PMS1: variants seen among roughly 807,000 people sequenced by gnomAD.
PMS1 encodes PMS1 homolog 1, mismatch repair system component.
PMS1 carries 79 observed loss-of-function variants against 93.1 expected under a neutral mutation model. That is an observed-to-expected ratio of 0.85 (90% CI 0.71 to 1.02). The LOEUF (loss-of-function observed/expected upper bound fraction) is 1.02, where lower values mean the gene tolerates loss of function less well. Ranked by LOEUF, PMS1 falls within the 50% of genes least tolerant of loss-of-function variation. The pLI is 0.00. For missense variants in PMS1, 1,064 were observed against 1,085.3 expected, an observed-to-expected ratio of 0.98 and a Z score of 0.28; for synonymous variants, 335 against 363.4, an observed-to-expected ratio of 0.92 and a Z score of 0.89.
chr2:189,829,033 C>T (rs534456688), intron 5 of PMS1, among the ~76,000 whole-genome samples: 9 of 152,162 alleles, frequency 5.9e-5, no homozygotes, highest in African/African-American at 2.2e-4. Context: ...CTTTATGTGA[C>T]CCCAAGAGTT....
At chr2:189,796,891 C>T (rs183089994) in intron 3 of PMS1, among the ~76,000 whole-genome samples, 3 of 152,212 alleles carry the variant, frequency 2.0e-5, no homozygotes, top group African/African-American at 7.2e-5. Flanking sequence ...GGTATATATC[C>T]AGAAGTAGAC....
chr2:189,790,677 T>C (rs1266466298), intron 1 of PMS1, among the ~76,000 whole-genome samples: 1 of 152,238 alleles, frequency 6.6e-6, no homozygotes, highest in Non-Finnish European at 1.5e-5. Flanking sequence ...GTAAAGTGTT[T>C]AGCATACTAT....
chr2:189,856,637 A>G (rs1387931046), intron 9 of PMS1, among the ~76,000 whole-genome samples: 1 of 152,158 alleles, frequency 6.6e-6, no homozygotes. Context: ...TAAGCCCACA[A>G]AAGTTGAATT....
chr2:189,807,728 T>C (rs1036622558), intron 4 of PMS1, among the ~76,000 whole-genome samples: 2 of 152,228 alleles, frequency 1.3e-5, no homozygotes, highest in African/African-American at 4.8e-5. Context: ...CTCAGTCTTA[T>C]ACCTTAAGTA....
At chr2:189,850,516 C>G (rs1450867690) in intron 6 of PMS1, among the ~76,000 whole-genome samples, 2 of 152,118 alleles carry the variant, frequency 1.3e-5, no homozygotes, top group Non-Finnish European at 2.9e-5. Flanking sequence ...AAATAAATAG[C>G]AGCTATACAG....
intron 2 of PMS1, among the ~76,000 whole-genome samples, chr2:189,795,095 A>G (rs935225790): frequency 2.0e-5 from 3 of 152,206 alleles, no homozygotes; most frequent in African/African-American, 7.2e-5. Flanking sequence ...AAGTATCTAA[A>G]AAAAGTCTTG....
Position 189,873,529 on chromosome 2 carries a change from A to G in PMS1, c.2507A>G (p.Glu836Gly), listed in dbSNP as rs2057321726. 2 of 1,598,086 alleles carry G rather than the reference A, an allele frequency of 1.3e-6. No homozygotes were observed. Among genetic ancestry groups the G allele is most frequent in the Non-Finnish European group, 1.7e-6 (2 of 1,165,558 alleles). Residue 836 changes from glutamate (E) to glycine (G), a missense_variant, in exon 12 of 13, where the codon GAA (glutamate) becomes GGA (glycine). Physicochemically the swap from Glu to Gly is moderately conservative, Grantham distance 98. Transcript: ENST00000441310. ...VSITENYLEI[E>G]GMANCLPFYG... ...ATTACTGAAAATTACTTGGAAATAG[A>G]AGGAATGGCTAATTGTCTCCCATTC...
At position 189,867,864 on chromosome 2, in the gene PMS1, G is replaced by A; in HGVS notation, c.2408G>A (p.Ser803Asn). 1 of 1,597,432 alleles carries A rather than the reference G, an allele frequency of 6.3e-7. No individual in the cohort carries two copies. The highest frequency in any genetic ancestry group is 8.6e-7 in the Non-Finnish European group (1 of 1,164,996). Residue 803 changes from serine to asparagine, a missense_variant, in exon 11 of 13, where the codon AGT becomes AAT. Physicochemically the swap from Ser to Asn is conservative, Grantham distance 46. Transcript: ENST00000441310. Reference protein sequence around the residue: ...YKMTADDQRYSGSTYLSDPRL... With the variant: ...YKMTADDQRYNGSTYLSDPRL... Reference sequence around the variant, plus strand: ...ATGACAGCAGATGACCAAAGATACAGTGGATCAACTTACCTGTCTGATCCT... The same window carrying A: ...ATGACAGCAGATGACCAAAGATACAATGGATCAACTTACCTGTCTGATCCT...
intron 9 of PMS1, among the ~76,000 whole-genome samples, chr2:189,856,412 C>A (rs1051850241): frequency 6.6e-6 from 1 of 151,944 alleles, no homozygotes; most frequent in Non-Finnish European, 1.5e-5. Flanking sequence ...TTAAACATAA[C>A]CATAATTGTC....
intron 3 of PMS1, among the ~76,000 whole-genome samples, chr2:189,802,361 T>A (rs551686528): frequency 6.6e-6 from 1 of 152,368 alleles, no homozygotes; most frequent in South Asian, 2.1e-4. Context: ...GAAAAGAATG[T>A]TATTAAGAAA....
intron 3 of PMS1, among the ~76,000 whole-genome samples, chr2:189,804,402 A>G (rs1484483387): frequency 1.3e-5 from 2 of 152,176 alleles, no homozygotes; most frequent in Non-Finnish European, 2.9e-5. Context: ...TGGAAGAGGT[A>G]GATCCCTTAA....
At chr2:189,828,407 A>G (rs576461640) in intron 5 of PMS1, among the ~76,000 whole-genome samples, 2 of 152,356 alleles carry the variant, frequency 1.3e-5, no homozygotes, top group African/African-American at 4.8e-5. Context: ...ACATGCATTA[A>G]AACATCACAT....
chr2:189,838,503 C>A (rs2053568302), intron 5 of PMS1, among the ~76,000 whole-genome samples: 1 of 152,136 alleles, frequency 6.6e-6, no homozygotes, highest in South Asian at 2.1e-4. Flanking sequence ...TTCTGAGTTT[C>A]TTATCTTGTT....
chr2:189,835,187 AT>A (rs2106384066), intron 5 of PMS1, among the ~76,000 whole-genome samples: 1 of 152,354 alleles, frequency 6.6e-6, no homozygotes, highest in East Asian at 1.9e-4. Context: ...AGGAAAAATA[AT>A]TATGCATGTT....
chr2:189,790,599 AATAAGT>A (rs1368975165), intron 1 of PMS1, among the ~76,000 whole-genome samples: 1 of 152,190 alleles, frequency 6.6e-6, no homozygotes, highest in African/African-American at 2.4e-5. Flanking sequence ...TGTCCATAAT[AATAAGT>A]ATAATGTTTT....
At chr2:189,817,628 CAT>C (rs975377733) in intron 4 of PMS1, among the ~76,000 whole-genome samples, 1 of 152,122 alleles carries the variant, frequency 6.6e-6, no homozygotes, top group East Asian at 1.9e-4. Flanking sequence ...TTTCCAGTAA[CAT>C]AAGGTTATTA....
chr2:189,801,606 A>G (rs537392164), intron 3 of PMS1, among the ~76,000 whole-genome samples: 110 of 152,234 alleles, frequency 7.2e-4, no homozygotes, highest in Non-Finnish European at 1.4e-3. Flanking sequence ...AATACAGAAC[A>G]GTTTATTTTA....
intron 6 of PMS1, among the ~76,000 whole-genome samples, chr2:189,848,385 A>AT (rs1396701029): frequency 6.6e-6 from 1 of 152,236 alleles, no homozygotes; most frequent in African/African-American, 2.4e-5. Context: ...CCAGGTGCAC[A>AT]TTCAAGTGTG....
chr2:189,845,901 T>G lies in PMS1; in HGVS notation c.699+1821T>G, dbSNP rs181339707. ...ACAACACCCGGCTAATTTTTGTATT[T>G]TTAATAGAGATGGGGTCTTACCATG... On this transcript the variant is annotated intron_variant, in intron 6 of 12. Coordinates refer to ENST00000441310, the MANE Select transcript of PMS1 (RefSeq NM_000534.5). 4.9e-3 allele frequency among the ~76,000 whole-genome samples: 752 copies of G among 152,208 alleles called. 8 individuals are homozygous for G. Among genetic ancestry groups the G allele is most frequent in the African/African-American group, 0.017 (701 of 41,536 alleles).
Sources: gnomAD v4.1 joint callset for allele counts (sites outside exome capture counted in the v4.1 genomes callset) on GRCh38, gnomAD v4.1.1 for gene constraint, MANE v1.5 for transcripts, NCBI Gene and HGNC (gene_info 2026-07-23, HGNC 2026-07-21) for gene names.